The following MTOR variants were observed in gnomAD, a reference collection of about 807,000 sequenced individuals.
MTOR encodes the protein serine/threonine-protein kinase mTOR.
MTOR carries 70 observed loss-of-function variants against 319.8 expected under a neutral mutation model. The ratio of observed to expected loss-of-function variants is 0.22; its 90% confidence interval spans 0.18 to 0.27. MTOR has a LOEUF of 0.27. MTOR is among the 10% of genes least tolerant of loss of function. MTOR has a pLI of 1.00. For synonymous variants in MTOR, 1,183 were observed against 1,211.4 expected (o/e 0.98, Z 0.49); for missense variants, 1,890 against 3,274.4 (o/e 0.58, Z 10.32).
intron 5 of MTOR, 95 bp downstream of exon 5, chr1:11,255,897 T>A (rs1650340562): frequency 1.7e-6 from 2 of 1,187,144 alleles, no homozygotes; most frequent in Admixed American, 5.4e-5. Flanking sequence ...ACGTGATTCT[T>A]GCTCCATGGC....
rs1315358255 is a variant in MTOR at position 11,231,437 on chromosome 1, G to C, written c.2515-3C>G. On this transcript the variant is annotated splice_polypyrimidine_tract_variant and splice_region_variant and intron_variant, in intron 16 of 57. Coordinates refer to ENST00000361445, the MANE Select transcript of MTOR (RefSeq NM_004958.4). Reference sequence around the variant, plus strand: ...TGTCCCAGGGTCCACAGAGCCACCTGGATAGGCACAAGAACACGATTCAAT... The same window carrying C: ...TGTCCCAGGGTCCACAGAGCCACCTCGATAGGCACAAGAACACGATTCAAT... 1 of 1,613,806 alleles carries C rather than the reference G, an allele frequency of 6.2e-7. No homozygotes were observed.
intron 24 of MTOR, among the ~76,000 whole-genome samples, chr1:11,210,046 TTA>T (rs1222991688): frequency 5.3e-5 from 8 of 152,334 alleles, no homozygotes; most frequent in Non-Finnish European, 1.0e-4. Flanking sequence ...TTTTGTATTT[TTA>T]ATGGAGACGA....
At position 11,257,044 on chromosome 1, in the gene MTOR, G is replaced by A. The variant is rs2100978500; in HGVS notation, c.393C>T (p.Gly131=). 1.2e-6 allele frequency: 2 copies of A among 1,614,146 alleles called. No homozygotes were observed. Among genetic ancestry groups the A allele is most frequent in the Non-Finnish European group, 1.7e-6 (2 of 1,180,014 alleles). ...AAGTGTCCCCTGCCATGGCAAGACG[G>A]CCAATGGCCTTGGATGCCATTTCCA... ...VVMEMASKAI[G]RLAMAGDTFT... Residue 131 remains glycine (G), a synonymous_variant, in exon 4 of 58, where the codon GGC becomes GGT. Transcript: ENST00000361445.
At chr1:11,161,122 A>T (rs938002221) in intron 29 of MTOR, among the ~76,000 whole-genome samples, 3 of 152,228 alleles carry the variant, frequency 2.0e-5, no homozygotes, top group African/African-American at 7.2e-5. Flanking sequence ...AGCAAATGGC[A>T]CATCAGGAGA....
In MTOR at chr1:11,145,278, A is replaced by C. The variant is rs563415525; in HGVS notation, c.4687-233T>G. On this transcript the variant is annotated intron_variant, in intron 32 of 57. Coordinates refer to ENST00000361445, the MANE Select transcript of MTOR (RefSeq NM_004958.4). ...CATCCAAAACTTTAACATCTATCTA[A>C]GGTAACACACAAAATCTTAGGTGGC... 5.6e-6 allele frequency: 3 copies of C among 538,174 alleles called. No homozygotes were observed. In the Admixed American group the frequency reaches 1.0e-4, roughly 19 times the overall value. The allele number at this position is 538,174 out of a possible 1,614,324, so 33.3% of individuals were successfully genotyped here. A position where few individuals can be genotyped will look rare whatever the true frequency, so the allele number is the denominator to read the frequency against.
intron 28 of MTOR, among the ~76,000 whole-genome samples, chr1:11,190,339 T>C (rs1044655062): frequency 1.3e-5 from 2 of 152,180 alleles, no homozygotes; most frequent in African/African-American, 2.4e-5. Context: ...GTAACAGCTG[T>C]TCCTCTGGAA....
chr1:11,156,382 G>A (rs1049607855), intron 30 of MTOR, among the ~76,000 whole-genome samples: 15 of 152,124 alleles, frequency 9.9e-5, no homozygotes, highest in African/African-American at 3.4e-4. Flanking sequence ...ACTTGTTGTT[G>A]GAAACAGAAT....
intron 30 of MTOR, among the ~76,000 whole-genome samples, chr1:11,153,941 T>C (rs555830466): frequency 2.4e-4 from 36 of 151,152 alleles, no homozygotes; most frequent in Non-Finnish European, 4.1e-4. Flanking sequence ...TGGTGGTGCA[T>C]GCCTGTAATC....
Position 11,212,866 on chromosome 1 carries a change from A to G in MTOR, c.3328T>C (p.Tyr1110His), listed in dbSNP as rs2100794892. The change falls in exon 22 of 58, where the codon TAC becomes CAC. Residue 1110 changes from tyrosine to histidine, a missense_variant. By Grantham distance (83) the Tyr-to-His change is moderately conservative (BLOSUM62 2). Transcript: ENST00000361445. This position sits in a 1 kb window ranked among gnomAD's most constrained non-coding sequence, Gnocchi z 4.1. ...ATAGGAGGCAGCAGTAAATGCAGGT[A>G]GTCATCCAGGTTGGCGCCAAACAGC... ...IQLFGANLDD[Y>H]LHLLLPPIVK... 1 of 1,614,128 alleles carries G rather than the reference A, an allele frequency of 6.2e-7. No individual in the cohort carries two copies. Among genetic ancestry groups the G allele is most frequent in the Non-Finnish European group, 8.5e-7 (1 of 1,179,972 alleles).
intron 36 of MTOR, among the ~76,000 whole-genome samples, chr1:11,135,057 T>C (rs12144023): frequency 0.097 from 14,819 of 152,164 alleles, 1,228 homozygotes; most frequent in South Asian, 0.21. Flanking sequence ...CTCCAGAGCA[T>C]CCTAAAGCAG....
chr1:11,197,690 C>T (rs28990676), intron 28 of MTOR, among the ~76,000 whole-genome samples: 2,789 of 152,224 alleles, frequency 0.018, 91 homozygotes, highest in African/African-American at 0.064. Flanking sequence ...TACAGATGTG[C>T]GCCACCACAC....
chr1:11,221,502 C>T (rs1646661702), intron 19 of MTOR, among the ~76,000 whole-genome samples: 1 of 151,646 alleles, frequency 6.6e-6, no homozygotes, highest in African/African-American at 2.4e-5. Context: ...TATGTAATCT[C>T]ACTAAAAGAA....
intron 54 of MTOR, among the ~76,000 whole-genome samples, chr1:11,110,760 T>C (rs1024576481): frequency 3.9e-5 from 6 of 152,154 alleles, no homozygotes; most frequent in Admixed American, 1.3e-4. Flanking sequence ...TCTTGCTGTG[T>C]TGCCCAGGCT....
intron 28 of MTOR, among the ~76,000 whole-genome samples, chr1:11,191,894 C>A (rs895833786): frequency 6.6e-6 from 1 of 152,126 alleles, no homozygotes; most frequent in Non-Finnish European, 1.5e-5. Context: ...GTTATAGTGG[C>A]GGCTGTCTAA....
chr1:11,187,998 T>G (rs915953483), intron 28 of MTOR, among the ~76,000 whole-genome samples: 1 of 152,114 alleles, frequency 6.6e-6, no homozygotes, highest in Non-Finnish European at 1.5e-5. Context: ...AAAAAATTGT[T>G]CAGTAACTCC....
intron 10 of MTOR, among the ~76,000 whole-genome samples, chr1:11,241,139 C>G (rs6697896): frequency 0.65 from 98,173 of 151,220 alleles, 33,949 homozygotes; most frequent in East Asian, 0.91. Flanking sequence ...GGCTAACACA[C>G]TGAAACCCCA....
intron 29 of MTOR, among the ~76,000 whole-genome samples, chr1:11,158,252 T>A (rs1644376235): frequency 6.6e-6 from 1 of 152,158 alleles, no homozygotes. Context: ...TGCAGTGAAA[T>A]TTGTATGATA....
At chr1:11,237,250 C>A (rs1230136069) in intron 13 of MTOR, among the ~76,000 whole-genome samples, 4 of 152,082 alleles carry the variant, frequency 2.6e-5, no homozygotes, top group Admixed American at 6.5e-5. Flanking sequence ...GGCCACAGAT[C>A]TTACTCAGTA....
chr1:11,127,140 T>C lies in MTOR; in HGVS notation c.6221A>G (p.Tyr2074Cys), dbSNP rs1265641317. 6.2e-7 allele frequency: 1 copy of C among 1,613,956 alleles called. No homozygotes were observed. The part of the protein sequence containing the change: ...TLKETSFNQA[Y>C]GRDLMEAQEW... ...TTGGGCCTCCATTAAATCTCGACCA[T>C]AGGCCTGAGAGAGAAAGCAGGCACG... is the stretch of plus-strand genomic sequence containing the variant. The change falls in exon 45 of 58, where the codon TAT (tyrosine) becomes TGT (cysteine). Residue 2074 changes from tyrosine (Y) to cysteine (C), a missense_variant. By Grantham distance (194) the Tyr-to-Cys change is radical. Coordinates refer to ENST00000361445, the MANE Select transcript of MTOR (RefSeq NM_004958.4). The surrounding 1 kb of genome is among the most constrained non-coding windows in gnomAD (Gnocchi z 5.5).
Sources: allele counts gnomAD v4.1 joint callset (sites outside exome capture counted in the v4.1 genomes callset), GRCh38; gene constraint gnomAD v4.1.1; non-coding constraint Gnocchi (gnomAD v3.1); transcripts MANE v1.5; gene names NCBI Gene and HGNC (gene_info 2026-07-23, HGNC 2026-07-21).